Variants in TMEM45A observed in about 807,000 individuals in gnomAD.
TMEM45A encodes the protein DNA polymerase-transactivated protein 4.
Under a neutral mutation model 32.0 loss-of-function variants are expected in TMEM45A, and 25 were observed. That is an observed-to-expected ratio of 0.78 (90% CI 0.57 to 1.09). The LOEUF is 1.09. Ranked by LOEUF, TMEM45A falls within the 50% of genes least tolerant of loss-of-function variation. The pLI is 0.00. For synonymous variants in TMEM45A, 122 were observed against 114.8 expected (o/e 1.06, Z -0.40); for missense variants, 302 against 325.0 (o/e 0.93, Z 0.54).
chr3:100,513,810 C>T (rs1708210610), intron 1 of TMEM45A, among the ~76,000 whole-genome samples: 1 of 152,146 alleles, frequency 6.6e-6, no homozygotes, highest in South Asian at 2.1e-4. Context: ...GCAAAAATCA[C>T]AAGCATTCTT....
chr3:100,520,156 A>G (rs972822776), intron 1 of TMEM45A, among the ~76,000 whole-genome samples: 5 of 152,232 alleles, frequency 3.3e-5, no homozygotes, highest in African/African-American at 1.2e-4. Context: ...TTATGGGTAT[A>G]TTAAAAGGGA....
intron 1 of TMEM45A, among the ~76,000 whole-genome samples, chr3:100,551,539 A>T (rs1453348481): frequency 1.3e-5 from 2 of 152,190 alleles, no homozygotes; most frequent in African/African-American, 4.8e-5. Flanking sequence ...TTTTACAAGG[A>T]GTAAGTTGCA....
chr3:100,558,105 T>C (rs865956927), intron 3 of TMEM45A, among the ~76,000 whole-genome samples: 1 of 152,230 alleles, frequency 6.6e-6, no homozygotes, highest in African/African-American at 2.4e-5. Context: ...GGAAAAGATA[T>C]TCATTCAAAA....
chr3:100,561,980 C>T (rs1035840675), intron 4 of TMEM45A, among the ~76,000 whole-genome samples: 3 of 152,156 alleles, frequency 2.0e-5, no homozygotes, highest in Admixed American at 1.3e-4. Flanking sequence ...AGGTCTGATG[C>T]GGCAGCAGAT....
In TMEM45A at chr3:100,560,261, CT is replaced by C. The variant is rs57831681; in HGVS notation, c.588+1685del. On this transcript the variant is annotated intron_variant, in intron 4 of 5. Coordinates refer to ENST00000323523, the MANE Select transcript of TMEM45A (RefSeq NM_018004.3). ...CTGTTTTCTGCTTCTCTCTCTCTCTCTTTTTTTTTTTTTGAGTTAGATGCTG... is the reference window on the plus strand; with the variant it reads ...CTGTTTTCTGCTTCTCTCTCTCTCTCTTTTTTTTTTTTGAGTTAGATGCTG... Among the ~76,000 whole-genome samples the C allele has an allele frequency of 7.4e-3, 1,058 of 143,566 alleles. 10 individuals carry two copies. Among genetic ancestry groups the C allele is most frequent in the African/African-American group, 0.023 (895 of 38,964 alleles). The allele number at this position is 143,566 out of a possible 152,430, so 94.2% of individuals were successfully genotyped here. A position where few individuals can be genotyped will look rare whatever the true frequency, so the allele number is the denominator to read the frequency against.
Position 100,540,512 on chromosome 3 carries a change from C to T in TMEM45A, c.-3-14697C>T, listed in dbSNP as rs144766881. ...GATACTACTATACACCTATCAGGAA[C>T]GCTAAAATCCAAAATACTGACACCA... is the stretch of plus-strand genomic sequence containing the variant. On this transcript the variant is annotated intron_variant, in intron 1 of 5. Coordinates refer to ENST00000323523, the MANE Select transcript of TMEM45A (RefSeq NM_018004.3). 7.7e-3 allele frequency among the ~76,000 whole-genome samples: 1,172 copies of T among 152,232 alleles called. 30 individuals are homozygous for T. Among genetic ancestry groups the T allele is most frequent in the Non-Finnish European group, 6.0e-3 (409 of 67,998 alleles).
rs141843471 is a variant in TMEM45A at position 100,555,590 on chromosome 3, T to C, written c.190+189T>C. On this transcript the variant is annotated intron_variant, in intron 2 of 5. Coordinates refer to ENST00000323523, the MANE Select transcript of TMEM45A (RefSeq NM_018004.3). ...ATTATGGAAAAGCTTCAGTAATAAA[T>C]AATTTCTGATAGGCTGTAGAAGACT... Among the ~76,000 whole-genome samples the C allele has an allele frequency of 2.0e-5, 3 of 152,342 alleles. No homozygotes were observed. In the East Asian group the frequency reaches 5.8e-4, roughly 29 times the overall value.
intron 1 of TMEM45A, among the ~76,000 whole-genome samples, chr3:100,493,876 T>C (rs1707886431): frequency 6.6e-6 from 1 of 152,168 alleles, no homozygotes; most frequent in Admixed American, 6.5e-5. Flanking sequence ...GGATTACAGA[T>C]GGCTGCCACC....
chr3:100,563,415 C>A (rs1706371679), intron 4 of TMEM45A, among the ~76,000 whole-genome samples: 1 of 152,158 alleles, frequency 6.6e-6, no homozygotes, highest in African/African-American at 2.4e-5. Flanking sequence ...ACAATTTAAC[C>A]CACTACAAAT....
intron 1 of TMEM45A, among the ~76,000 whole-genome samples, chr3:100,507,625 G>A (rs1708096023): frequency 6.8e-6 from 1 of 148,052 alleles, no homozygotes; most frequent in South Asian, 2.1e-4. Context: ...CATGGATTGA[G>A]TAACTAGAGT....
Position 100,555,203 on chromosome 3 carries a change from T to C in TMEM45A, c.-3-6T>C. On this transcript the variant is annotated splice_region_variant and splice_polypyrimidine_tract_variant and intron_variant, in intron 1 of 5. Transcript: ENST00000323523. ...TTTTACTTTCTGTGTGTTCTTATATTTGTAGATCATGGGGAATTTCAGAGG... is the reference window on the plus strand; with the variant it reads ...TTTTACTTTCTGTGTGTTCTTATATCTGTAGATCATGGGGAATTTCAGAGG... 1.9e-6 allele frequency: 3 copies of C among 1,587,288 alleles called. No homozygotes were observed. Among genetic ancestry groups the C allele is most frequent in the Non-Finnish European group, 2.6e-6 (3 of 1,167,844 alleles).
chr3:100,512,165 A>G (rs1426432615), intron 1 of TMEM45A, among the ~76,000 whole-genome samples: 4 of 152,216 alleles, frequency 2.6e-5, no homozygotes, highest in Non-Finnish European at 4.4e-5. Context: ...AATCAACAGA[A>G]TATACATTTT....
intron 1 of TMEM45A, among the ~76,000 whole-genome samples, chr3:100,495,620 C>T (rs965928852): frequency 6.6e-6 from 1 of 152,050 alleles, no homozygotes; most frequent in Admixed American, 6.6e-5. Context: ...TGGAATAATC[C>T]ATCTCTGGGG....
chr3:100,544,275 G>T (rs1465337846), intron 1 of TMEM45A, among the ~76,000 whole-genome samples: 4 of 152,070 alleles, frequency 2.6e-5, no homozygotes, highest in Non-Finnish European at 4.4e-5. Context: ...TGGGATAATT[G>T]CCAAAGCATT....
intron 1 of TMEM45A, among the ~76,000 whole-genome samples, chr3:100,509,521 A>G (rs929558937): frequency 5.4e-4 from 83 of 152,344 alleles, no homozygotes; most frequent in African/African-American, 1.9e-3. Flanking sequence ...TAGCCAAGGT[A>G]TGGAATCAAC....
chr3:100,497,731 A>G (rs1707949707), intron 1 of TMEM45A, among the ~76,000 whole-genome samples: 1 of 152,236 alleles, frequency 6.6e-6, no homozygotes, highest in Non-Finnish European at 1.5e-5. Flanking sequence ...GGTATGTGCC[A>G]GAATATCCTT....
chr3:100,497,050 G>C (rs1026733168), intron 1 of TMEM45A, among the ~76,000 whole-genome samples: 10 of 152,090 alleles, frequency 6.6e-5, no homozygotes, highest in Admixed American at 1.3e-4. Context: ...TCTGGATTTG[G>C]CATCTATCTT....
At chr3:100,557,556 G>T (rs1706247071) in intron 3 of TMEM45A, among the ~76,000 whole-genome samples, 1 of 150,054 alleles carries the variant, frequency 6.7e-6, no homozygotes, top group African/African-American at 2.5e-5. Context: ...GCATTTAATG[G>T]TTTTTTTTTT....
At chr3:100,525,899 A>C (rs1363329462) in intron 1 of TMEM45A, among the ~76,000 whole-genome samples, 1 of 152,084 alleles carries the variant, frequency 6.6e-6, no homozygotes, top group Non-Finnish European at 1.5e-5. Context: ...TCTGCCTCTG[A>C]AGCGTCACTG....
Sources: gnomAD v4.1 joint callset for allele counts (sites outside exome capture counted in the v4.1 genomes callset) on GRCh38, gnomAD v4.1.1 for gene constraint, MANE v1.5 for transcripts, NCBI Gene and HGNC (gene_info 2026-07-23, HGNC 2026-07-21) for gene names.